Variants in TENM1 observed in about 807,000 individuals in gnomAD.
The protein encoded by TENM1 is teneurin-1.
Under a neutral mutation model 174.8 loss-of-function variants are expected in TENM1, and 35 were observed. That is an observed-to-expected ratio of 0.20 (90% CI 0.15 to 0.27). The LOEUF is 0.27. Among genes scored for constraint, TENM1 ranks in the 10% least tolerant of loss-of-function variants. The pLI is 1.00. For missense variants in TENM1, 1,633 were observed against 2,130.1 expected (o/e 0.77, Z 4.59); for synonymous variants, 781 against 798.7 (o/e 0.98, Z 0.37).
chrX:124,844,700 GT>G (rs1025422524), intron 3 of TENM1, among the ~76,000 whole-genome samples: 11 of 112,065 alleles, frequency 9.8e-5, no homozygotes, highest in Middle Eastern at 4.2e-3. Flanking sequence ...ATGAATAAAA[GT>G]TGCACTGAAG....
At chrX:125,149,661 T>C in the TENM1 span, among the ~76,000 whole-genome samples, 1 of 112,150 alleles carries the variant, frequency 8.9e-6, no homozygotes, top group South Asian at 3.8e-4. Context: ...ACAATAATGC[T>C]ACATAAAACA....
intron 1 of TENM1, among the ~76,000 whole-genome samples, chrX:124,929,831 C>A (rs2058143913): frequency 8.9e-6 from 1 of 111,778 alleles, no homozygotes; most frequent in Admixed American, 9.5e-5. Flanking sequence ...TTTAAAGAAG[C>A]ACTTTATTTT....
chrX:124,567,319 A>G (rs1276255181), intron 11 of TENM1, among the ~76,000 whole-genome samples: 1 of 111,859 alleles, frequency 8.9e-6, no homozygotes, highest in East Asian at 2.8e-4. Context: ...CCCTGAAGAA[A>G]GATCAGGTAG....
At chrX:125,050,795 C>G in the TENM1 span, among the ~76,000 whole-genome samples, 1 of 111,693 alleles carries the variant, frequency 9.0e-6, no homozygotes, top group Non-Finnish European at 1.9e-5. Context: ...AAAAGTGTTC[C>G]TATTTCTCCA....
At chrX:124,917,812 G>T (rs184587839) in intron 1 of TENM1, among the ~76,000 whole-genome samples, 8 of 111,416 alleles carry the variant, frequency 7.2e-5, no homozygotes, top group African/African-American at 2.6e-4. Flanking sequence ...ATATTCACTG[G>T]GTTATGTGCT....
intron 4 of TENM1, among the ~76,000 whole-genome samples, chrX:124,726,019 T>C (rs767062221): frequency 1.1e-4 from 12 of 112,154 alleles, no homozygotes; most frequent in African/African-American, 3.9e-4. Flanking sequence ...TGTATAAGTA[T>C]ATGGTGAGGG....
At chrX:124,462,618 T>A (rs1331137714) in intron 22 of TENM1, among the ~76,000 whole-genome samples, 1 of 111,024 alleles carries the variant, frequency 9.0e-6, no homozygotes, top group African/African-American at 3.3e-5. Flanking sequence ...ACAGAAGCTG[T>A]TACTTATTTA....
At chrX:124,522,186 C>T (rs2047865369) in intron 17 of TENM1, among the ~76,000 whole-genome samples, 1 of 111,254 alleles carries the variant, frequency 9.0e-6, no homozygotes, top group Non-Finnish European at 1.9e-5. Context: ...TAAGGGGTAG[C>T]TCTTTGGACT....
the TENM1 span, among the ~76,000 whole-genome samples, chrX:124,995,895 A>G: frequency 9.0e-6 from 1 of 111,207 alleles, no homozygotes; most frequent in Non-Finnish European, 1.9e-5. Context: ...TACAGTTTTC[A>G]TAGAAACATC....
the TENM1 span, among the ~76,000 whole-genome samples, chrX:125,030,468 T>C: frequency 8.9e-6 from 1 of 112,382 alleles, no homozygotes; most frequent in Admixed American, 9.4e-5. Flanking sequence ...AATGGCTTTC[T>C]ATATCATTCA....
At chrX:124,750,795 C>T (rs946068263) in intron 3 of TENM1, among the ~76,000 whole-genome samples, 2 of 111,708 alleles carry the variant, frequency 1.8e-5, no homozygotes, top group Non-Finnish European at 3.8e-5. Context: ...TCTCTCCTGG[C>T]CTTCAAAACA....
chrX:125,060,501 G>A, the TENM1 span, among the ~76,000 whole-genome samples: 2 of 111,069 alleles, frequency 1.8e-5, no homozygotes, highest in African/African-American at 6.5e-5. Context: ...CACGACACTT[G>A]AGACATAAGA....
At chrX:125,186,417 C>T in the TENM1 span, among the ~76,000 whole-genome samples, 1 of 110,829 alleles carries the variant, frequency 9.0e-6, no homozygotes, top group African/African-American at 3.3e-5. Context: ...TGGTTGGTTT[C>T]GCCCTGCCAC....
At chrX:124,582,941 A>T (rs2049365976) in intron 11 of TENM1, among the ~76,000 whole-genome samples, 1 of 112,391 alleles carries the variant, frequency 8.9e-6, no homozygotes, top group African/African-American at 3.2e-5. Context: ...CTAGCACAGC[A>T]GTCTGAGATC....
At chrX:124,822,346 T>C (rs761835219) in intron 3 of TENM1, among the ~76,000 whole-genome samples, 1 of 112,403 alleles carries the variant, frequency 8.9e-6, no homozygotes, top group East Asian at 2.8e-4. Flanking sequence ...CAATCTTTGT[T>C]GTGTCATTTC....
intron 23 of TENM1, among the ~76,000 whole-genome samples, chrX:124,442,554 G>T (rs2060914517): frequency 8.9e-6 from 1 of 112,201 alleles, no homozygotes; most frequent in Admixed American, 9.4e-5. Flanking sequence ...CACTCAGGAT[G>T]ATGAAGGACA....
At chrX:124,675,796 T>C (rs1179445613) in intron 5 of TENM1, among the ~76,000 whole-genome samples, 1 of 109,431 alleles carries the variant, frequency 9.1e-6, no homozygotes, top group East Asian at 2.9e-4. Context: ...TAACGTTGGG[T>C]AGTTATAAGT....
In TENM1 at chrX:124,546,749, A is replaced by G. The variant is rs2048439474; in HGVS notation, c.2651+125T>C. The stretch of plus-strand genomic sequence containing the variant: ...GGTTTTGGCTTTCCAGAGAAGTCCT[A>G]AAAAGAAATGAACGTGGATTATGTG... On this transcript the variant is annotated intron_variant, in intron 15 of 31. Coordinates refer to ENST00000422452, the Ensembl canonical transcript of TENM1. The G allele has an allele frequency of 1.2e-5, 7 of 596,131 alleles. No homozygotes were observed. The East Asian group carries it at 2.4e-4, about 20-fold the overall frequency. The allele number at this position is 596,131 out of a possible 1,213,427, so 49.1% of individuals were successfully genotyped here.
chrX:125,134,440 C>G, the TENM1 span, among the ~76,000 whole-genome samples: 3 of 112,314 alleles, frequency 2.7e-5, no homozygotes, highest in South Asian at 1.1e-3. Context: ...TGTTTGGACT[C>G]CAGTCTTGTA....
Sources: gnomAD v4.1 joint callset for allele counts (sites outside exome capture counted in the v4.1 genomes callset) on GRCh38, gnomAD v4.1.1 for gene constraint, MANE v1.5 for transcripts, NCBI Gene and HGNC (gene_info 2026-07-23, HGNC 2026-07-21) for gene names.